The following WASF3 variants were observed in gnomAD, a reference collection of about 807,000 sequenced individuals.
The protein encoded by WASF3 is WASP family member 3.
A neutral mutation model predicts 46.6 loss-of-function variants in WASF3; 11 were observed. The observed-to-expected ratio is 0.24, with a 90% CI of 0.15 to 0.39. WASF3 has a LOEUF of 0.39. Among genes scored for constraint, WASF3 ranks in the 10% least tolerant of loss-of-function variants. WASF3 has a pLI of 1.00. For missense variants in WASF3, 576 were observed against 669.8 expected (o/e 0.86, Z 1.55); for synonymous variants, 242 against 259.7 (o/e 0.93, Z 0.65).
At chr13:26,551,758 T>C in the WASF3 span, among the ~76,000 whole-genome samples, 2 of 152,160 alleles carry the variant, frequency 1.3e-5, no homozygotes, top group African/African-American at 4.8e-5. Flanking sequence ...CGAATGCTAG[T>C]GGTGCAGGAT....
intron 3 of WASF3, among the ~76,000 whole-genome samples, chr13:26,654,883 A>G (rs182121380): frequency 1.3e-5 from 2 of 152,280 alleles, no homozygotes; most frequent in East Asian, 3.9e-4. Flanking sequence ...AAATAGGTTT[A>G]AAAAAGAGGA....
chr13:26,640,084 G>A (rs764643822), intron 2 of WASF3, among the ~76,000 whole-genome samples: 20 of 152,014 alleles, frequency 1.3e-4, no homozygotes, highest in Non-Finnish European at 2.1e-4. Context: ...TTTGCATTTT[G>A]AAGAGGGCCC....
At chr13:26,655,385 G>A (rs1039298199) in intron 3 of WASF3, among the ~76,000 whole-genome samples, 2 of 152,072 alleles carry the variant, frequency 1.3e-5, no homozygotes, top group African/African-American at 4.8e-5. Context: ...TCCCCTGTGC[G>A]TTTCATTAGG....
At chr13:26,579,847 C>T (rs1879925544) in intron 1 of WASF3, among the ~76,000 whole-genome samples, 1 of 152,170 alleles carries the variant, frequency 6.6e-6, no homozygotes, top group Non-Finnish European at 1.5e-5. Context: ...AAAACTGAAT[C>T]ATGCTGAAGA....
At chr13:26,683,033 C>CA (rs1883290623) in intron 9 of WASF3, 59 bp downstream of exon 9, 1 of 1,545,148 alleles carries the variant, frequency 6.5e-7, no homozygotes, top group East Asian at 2.3e-5. Flanking sequence ...TTCATGTCTC[C>CA]AGCCAGCTAC....
chr13:26,547,872 G>T, the WASF3 span, among the ~76,000 whole-genome samples: 199 of 152,324 alleles, frequency 1.3e-3, 2 homozygotes, highest in South Asian at 5.6e-3. Context: ...AAACCAGTGA[G>T]AACATTTTAG....
rs117957254 is a variant in WASF3 at position 26,603,202 on chromosome 13, C to T, written c.-108-9759C>T. On this transcript the variant is annotated intron_variant, in intron 1 of 9. Transcript: ENST00000335327. ...TCTTCTTCTGGCCAGTTGTAGAAAG[C>T]TCAGCAGCTTCTTGTGTCGGGGCCT... Among the ~76,000 whole-genome samples the T allele has an allele frequency of 6.7e-3, 1,016 of 152,250 alleles. 4 individuals are homozygous for T. The highest frequency in any genetic ancestry group is 0.011 in the Non-Finnish European group (766 of 68,006).
intron 1 of WASF3, among the ~76,000 whole-genome samples, chr13:26,559,034 C>T (rs1369333054): frequency 6.6e-6 from 1 of 152,190 alleles, no homozygotes; most frequent in South Asian, 2.1e-4. Context: ...ACCCAACTCT[C>T]CTTTTCTAGC....
chr13:26,572,759 G>T (rs1198752506), intron 1 of WASF3, among the ~76,000 whole-genome samples: 2 of 152,084 alleles, frequency 1.3e-5, no homozygotes, highest in Admixed American at 1.3e-4. Context: ...CACCATGTTG[G>T]CCAGGCTGAT....
At chr13:26,570,309 C>G (rs1168651302) in intron 1 of WASF3, among the ~76,000 whole-genome samples, 1 of 152,038 alleles carries the variant, frequency 6.6e-6, no homozygotes, top group Non-Finnish European at 1.5e-5. Flanking sequence ...AAAATTACAC[C>G]TTGATCATTT....
Position 26,685,670 on chromosome 13 carries a change from C to A in WASF3, c.1352-18C>A, listed in dbSNP as rs751876784. The A allele has an allele frequency of 1.2e-6, 2 of 1,611,818 alleles. No individual in the cohort carries two copies. Among genetic ancestry groups the A allele is most frequent in the East Asian group, 4.5e-5 (2 of 44,782 alleles). ...CCAGCAAAAGGATGTGATTCTGAACCACGTGTTGTGTCTGCAGGAATTCAA... is the reference window on the plus strand; with the variant it reads ...CCAGCAAAAGGATGTGATTCTGAACAACGTGTTGTGTCTGCAGGAATTCAA... On this transcript the variant is annotated intron_variant, in intron 9 of 9. Coordinates refer to ENST00000335327, the MANE Select transcript of WASF3 (RefSeq NM_006646.6).
At chr13:26,594,965 C>A (rs993918780) in intron 1 of WASF3, among the ~76,000 whole-genome samples, 8 of 152,196 alleles carry the variant, frequency 5.3e-5, no homozygotes, top group African/African-American at 1.4e-4. Flanking sequence ...CATTTCCCAA[C>A]AACAACTTCC....
At chr13:26,577,748 T>C (rs967708200) in intron 1 of WASF3, 7 of 679,732 alleles carry the variant, frequency 1.0e-5, no homozygotes, top group Admixed American at 2.6e-5. Context: ...AACCAGGAAA[T>C]TGACATTGGT....
At chr13:26,601,264 A>G (rs894927163) in intron 1 of WASF3, among the ~76,000 whole-genome samples, 1 of 152,208 alleles carries the variant, frequency 6.6e-6, no homozygotes, top group East Asian at 1.9e-4. Flanking sequence ...GGAGAAGATA[A>G]TACTGTAGAT....
At chr13:26,661,317 G>C (rs929047566) in intron 3 of WASF3, among the ~76,000 whole-genome samples, 4 of 152,280 alleles carry the variant, frequency 2.6e-5, no homozygotes, top group Admixed American at 2.6e-4. Flanking sequence ...CCATTCTCCT[G>C]TCTCTATGAA....
intron 3 of WASF3, among the ~76,000 whole-genome samples, chr13:26,643,069 A>G (rs1882047373): frequency 6.6e-6 from 1 of 152,236 alleles, no homozygotes; most frequent in Non-Finnish European, 1.5e-5. Context: ...GAATATTAAT[A>G]TTAAATATCT....
Position 26,682,944 on chromosome 13 carries a change from C to T in WASF3, c.1321C>T (p.Arg441Ter), listed in dbSNP as rs1883286704. 1.2e-6 allele frequency: 2 copies of T among 1,607,796 alleles called. No homozygotes were observed. The highest frequency in any genetic ancestry group is 1.7e-6 in the Non-Finnish European group (2 of 1,179,990). The change falls in exon 9 of 10, where the codon CGA becomes TGA. Residue 441 changes from arginine to a stop codon, truncating the protein, a stop_gained. Coordinates refer to ENST00000335327, the MANE Select transcript of WASF3 (RefSeq NM_006646.6). LOFTEE classifies it high-confidence loss of function. The surrounding 1 kb of genome is among the most constrained non-coding windows in gnomAD (Gnocchi z 4.4). ...TGCACAGCCACCAATCAGTGATGCT[C>T]GAAGCGACCTCCTCGCTGCTATTCG... Reference protein sequence around the residue: ...EPAQPPISDARSDLLAAIRMG... With the variant: ...EPAQPPISDA
intron 1 of WASF3, among the ~76,000 whole-genome samples, chr13:26,585,961 A>G (rs1307984488): frequency 6.6e-6 from 1 of 152,154 alleles, no homozygotes; most frequent in East Asian, 1.9e-4. Context: ...ATTCTGTTAG[A>G]TGACTTGATT....
At chr13:26,636,251 C>T (rs1190901131) in intron 2 of WASF3, among the ~76,000 whole-genome samples, 1 of 152,250 alleles carries the variant, frequency 6.6e-6, no homozygotes, top group Non-Finnish European at 1.5e-5. Flanking sequence ...GCTGCTTCCT[C>T]ACAGGTTGAT....
Sources: allele counts gnomAD v4.1 joint callset (sites outside exome capture counted in the v4.1 genomes callset), GRCh38; gene constraint gnomAD v4.1.1; non-coding constraint Gnocchi (gnomAD v3.1); transcripts MANE v1.5; gene names NCBI Gene and HGNC (gene_info 2026-07-23, HGNC 2026-07-21).